ATP10D: variants seen among roughly 807,000 people sequenced by gnomAD.
The protein encoded by ATP10D is phospholipid-transporting ATPase VD.
In ATP10D, 89 loss-of-function variants were observed where a neutral mutation model predicts 144.8. The observed-to-expected ratio is 0.61, with a 90% CI of 0.52 to 0.73. ATP10D has a LOEUF of 0.73. Ranked by LOEUF, ATP10D falls within the 30% of genes least tolerant of loss-of-function variation. ATP10D has a pLI of 0.00. For synonymous variants in ATP10D, 571 were observed against 615.1 expected, an observed-to-expected ratio of 0.93 and a Z score of 1.06; for missense variants, 1,603 against 1,714.8, an observed-to-expected ratio of 0.93 and a Z score of 1.15.
chr4:47,570,397 T>A (rs1365109972), intron 16 of ATP10D, among the ~76,000 whole-genome samples: 1 of 152,192 alleles, frequency 6.6e-6, no homozygotes, highest in Non-Finnish European at 1.5e-5. Context: ...CATGTGAAGT[T>A]TGAAAAGGCC....
intron 11 of ATP10D, among the ~76,000 whole-genome samples, chr4:47,556,546 C>T (rs1233542051): frequency 2.0e-5 from 3 of 152,020 alleles, no homozygotes; most frequent in Non-Finnish European, 4.4e-5. Context: ...ATCTCTGAAG[C>T]ATATAAGAGT....
rs769816319 is a variant in ATP10D at position 47,546,978 on chromosome 4, A to G, written c.1635+116A>G. 745 of 931,802 alleles carry G rather than the reference A, an allele frequency of 8.0e-4. 1 individual carries two copies. The highest frequency in any genetic ancestry group is 1.1e-3 in the Non-Finnish European group (653 of 612,654). 57.7% of individuals were successfully genotyped at this position (931,802 alleles called of 1,614,324 possible). ...TCTTTTCTACCTTAGAAGAGACTACATGATTGCAGCTCAGCAAGATCACCA... is the reference window on the plus strand; with the variant it reads ...TCTTTTCTACCTTAGAAGAGACTACGTGATTGCAGCTCAGCAAGATCACCA... On this transcript the variant is annotated intron_variant, in intron 10 of 22. Transcript: ENST00000273859.
chr4:47,550,591 A>T (rs1162927607), intron 10 of ATP10D, among the ~76,000 whole-genome samples: 1 of 152,062 alleles, frequency 6.6e-6, no homozygotes, highest in Non-Finnish European at 1.5e-5. Context: ...GTGTTCTCTG[A>T]CCTGGGGTTC....
At chr4:47,554,701 A>C in intron 10 of ATP10D, 25 bp from the exon 11 acceptor site, 1 of 1,559,932 alleles carries the variant, frequency 6.4e-7, no homozygotes, top group East Asian at 2.3e-5. Context: ...TCTTATAACA[A>C]CACACTGTCT....
chr4:47,562,999 A>G (rs1395864650), intron 14 of ATP10D, among the ~76,000 whole-genome samples: 2 of 152,230 alleles, frequency 1.3e-5, no homozygotes, highest in South Asian at 2.1e-4. Flanking sequence ...GTTCTCACTT[A>G]TAAGTGAGAG....
intron 1 of ATP10D, among the ~76,000 whole-genome samples, chr4:47,509,764 T>C (rs10000432): frequency 0.63 from 96,519 of 152,052 alleles, 31,159 homozygotes; most frequent in East Asian, 0.81. Flanking sequence ...ATTTCAGCTT[T>C]GTGTGAAGCC....
At chr4:47,552,427 G>C (rs776451220) in intron 10 of ATP10D, among the ~76,000 whole-genome samples, 9 of 152,178 alleles carry the variant, frequency 5.9e-5, no homozygotes, top group Admixed American at 1.3e-4. Flanking sequence ...GGTCTGGTGA[G>C]GGCCTGCTTC....
chr4:47,525,428 A>G (rs1418878348), intron 4 of ATP10D, 129 bp from the exon 5 acceptor site: 2 of 671,212 alleles, frequency 3.0e-6, no homozygotes, highest in Non-Finnish European at 2.5e-6. Flanking sequence ...TCCTTTGGGA[A>G]ATTCATGATA....
intron 1 of ATP10D, among the ~76,000 whole-genome samples, chr4:47,504,928 A>G (rs369773243): frequency 5.9e-5 from 9 of 152,358 alleles, no homozygotes; most frequent in African/African-American, 1.9e-4. Flanking sequence ...GGTTTACAAC[A>G]TATAAGAACT....
chr4:47,564,987 GTTTT>G (rs1199340781), intron 15 of ATP10D, among the ~76,000 whole-genome samples: 1 of 152,172 alleles, frequency 6.6e-6, no homozygotes, highest in Non-Finnish European at 1.5e-5. Flanking sequence ...TTGTTTGTTT[GTTTT>G]GAGGCAGCCC....
intron 17 of ATP10D, among the ~76,000 whole-genome samples, chr4:47,572,503 G>A (rs1577698180): frequency 6.6e-6 from 1 of 151,970 alleles, no homozygotes; most frequent in Non-Finnish European, 1.5e-5. Context: ...CAATGGCTGC[G>A]TAAATTCTGA....
At chr4:47,514,180 C>G (rs1716507084) in intron 2 of ATP10D, among the ~76,000 whole-genome samples, 2 of 152,190 alleles carry the variant, frequency 1.3e-5, no homozygotes, top group Non-Finnish European at 2.9e-5. Flanking sequence ...TACATTCATT[C>G]TCATCATTCA....
chr4:47,499,786 A>C (rs1359683558), intron 1 of ATP10D, among the ~76,000 whole-genome samples: 1 of 152,250 alleles, frequency 6.6e-6, no homozygotes, highest in Admixed American at 6.5e-5. Flanking sequence ...AAGGTTACTC[A>C]GAATAACTTC....
chr4:47,486,114 G>A (rs1714745956), intron 1 of ATP10D, among the ~76,000 whole-genome samples: 1 of 152,146 alleles, frequency 6.6e-6, no homozygotes, highest in African/African-American at 2.4e-5. Flanking sequence ...AAGCCCCCAT[G>A]CTTCCCCCAA....
At chr4:47,572,080 C>G in intron 16 of ATP10D, 74 bp from the exon 17 acceptor site, 1 of 1,300,766 alleles carries the variant, frequency 7.7e-7, no homozygotes, top group Admixed American at 1.7e-5. Flanking sequence ...TTGAGCTGCC[C>G]CTATTGATTT....
chr4:47,533,881 T>C (rs150997557), intron 5 of ATP10D, among the ~76,000 whole-genome samples: 404 of 152,298 alleles, frequency 2.7e-3, no homozygotes, highest in Non-Finnish European at 4.1e-3. Flanking sequence ...AATACTTTAC[T>C]ATATACTTAT....
rs1223843627 is a variant in ATP10D, at chr4:47,558,239, T to C, written c.2400T>C (p.Ser800=). 5 of 1,614,114 alleles carry C rather than the reference T, an allele frequency of 3.1e-6. No homozygotes were observed. Among genetic ancestry groups the C allele is most frequent in the Admixed American group, 3.3e-5 (2 of 60,022 alleles). ...QVVVYTKGAD[S]VIMELLSVAS... ...TGGTGTATACGAAAGGCGCTGATTC[T>C]GTGATCATGGAGTTACTGTCGGTGG... The change falls in exon 12 of 23, where the codon TCT becomes TCC. Residue 800 remains serine, a synonymous_variant. Transcript: ENST00000273859.
chr4:47,561,125 T>C (rs1719274888), intron 14 of ATP10D, 50 bp downstream of exon 14: 1 of 1,601,494 alleles, frequency 6.2e-7, no homozygotes, highest in Non-Finnish European at 8.6e-7. Flanking sequence ...TGAAAAACAC[T>C]GGATATCTTT....
chr4:47,495,333 A>G (rs1050392073), intron 1 of ATP10D, among the ~76,000 whole-genome samples: 4 of 151,998 alleles, frequency 2.6e-5, no homozygotes, highest in Admixed American at 2.0e-4. Flanking sequence ...AAAAGGAAAG[A>G]AAAAAAAGAG....
Sources: gnomAD v4.1 joint callset for allele counts (sites outside exome capture counted in the v4.1 genomes callset) on GRCh38, gnomAD v4.1.1 for gene constraint, MANE v1.5 for transcripts, NCBI Gene and HGNC (gene_info 2026-07-23, HGNC 2026-07-21) for gene names.